Variants in LMNB2 observed in about 807,000 individuals in gnomAD.
LMNB2 encodes the protein lamin-B2.
LMNB2 carries 17 observed loss-of-function variants against 69.3 expected under a neutral mutation model. The ratio of observed to expected loss-of-function variants is 0.25; its 90% CI spans 0.17 to 0.37. The LOEUF is 0.37. Among genes scored for constraint, LMNB2 ranks in the 10% least tolerant of loss-of-function variants. The probability of loss-of-function intolerance (pLI) is 1.00; values close to 1 mark genes in which losing one functional copy is unlikely to be tolerated. For synonymous variants in LMNB2, 397 were observed against 389.3 expected (o/e 1.02, Z -0.23); for missense variants, 789 against 883.6 (o/e 0.89, Z 1.36).
At chr19:2,454,763 C>T (rs1469638829) in intron 1 of LMNB2, among the ~76,000 whole-genome samples, 1 of 152,120 alleles carries the variant, frequency 6.6e-6, no homozygotes, top group Admixed American at 6.5e-5. Flanking sequence ...AGTGGGTGCT[C>T]CTGCCTGCCC....
chr19:2,434,105 C>A lies in LMNB2; in HGVS notation c.1203G>T (p.Arg401Ser), dbSNP rs756505301. 6.3e-7 allele frequency: 1 copy of A among 1,583,420 alleles called. No homozygotes were observed. Among genetic ancestry groups the A allele is most frequent in the Admixed American group, 1.8e-5 (1 of 55,866 alleles). The change falls in exon 8 of 12, where the codon AGG becomes AGT. Residue 401 changes from arginine (R) to serine (S), a missense_variant and splice_region_variant. Coordinates refer to ENST00000325327, the MANE Select transcript of LMNB2 (RefSeq NM_032737.4). ...AGGATGGGCTGGGGGACAGCTTCAG[C>A]CTGTGGGGAAGGCAAGGAAGGTGGG... ...YRKLLEGEEE[R>S]LKLSPSPSSR... is the part of the protein sequence containing the mutation.
Position 2,431,765 on chromosome 19 carries a change from C to G in LMNB2, c.1710+18G>C, listed in dbSNP as rs747149678. ...CCCAGGACTCCAGCCGAGCACCCCC[C>G]AAGCCACACACACCCACCTCGCCAT... On this transcript the variant is annotated intron_variant, in intron 10 of 11. Transcript: ENST00000325327. 1 of 1,613,386 alleles carries G rather than the reference C, an allele frequency of 6.2e-7. No homozygotes were observed. Among genetic ancestry groups the G allele is most frequent in the African/African-American group, 1.3e-5 (1 of 74,908 alleles).
At chr19:2,454,626 C>G (rs753681285) in intron 1 of LMNB2, among the ~76,000 whole-genome samples, 3 of 152,138 alleles carry the variant, frequency 2.0e-5, no homozygotes, top group Non-Finnish European at 2.9e-5. Context: ...AGAAGCCCAC[C>G]ACGTCCTCTG....
intron 1 of LMNB2, among the ~76,000 whole-genome samples, chr19:2,451,645 G>A (rs1161106981): frequency 6.6e-6 from 1 of 152,202 alleles, no homozygotes; most frequent in Non-Finnish European, 1.5e-5. Flanking sequence ...TCTAGCAAGT[G>A]CTAGGCTTGA....
chr19:2,444,921 G>A (rs991342441), intron 1 of LMNB2, among the ~76,000 whole-genome samples: 1 of 152,212 alleles, frequency 6.6e-6, no homozygotes, highest in African/African-American at 2.4e-5. Flanking sequence ...GATGGAGCCT[G>A]TCCCCTTCCC....
At chr19:2,454,655 G>A (rs1385368644) in intron 1 of LMNB2, among the ~76,000 whole-genome samples, 2 of 152,144 alleles carry the variant, frequency 1.3e-5, no homozygotes, top group African/African-American at 4.8e-5. Context: ...ATGGGCGAGT[G>A]GGGACTGGGC....
rs777442255 is a variant in LMNB2 at position 2,435,177 on chromosome 19, G to T, written c.685-6C>A. ...CGCCGCGTCTCCCGCACCTCCTGCG[G>T]ACCAAGGCTTCGTGACCCTCTGGTC... On this transcript the variant is annotated splice_region_variant and splice_polypyrimidine_tract_variant and intron_variant, in intron 4 of 11. Coordinates refer to ENST00000325327, the MANE Select transcript of LMNB2 (RefSeq NM_032737.4). 6.2e-7 allele frequency: 1 copy of T among 1,600,498 alleles called. No individual in the cohort carries two copies. Among genetic ancestry groups the T allele is most frequent in the Admixed American group, 1.7e-5 (1 of 59,960 alleles).
intron 8 of LMNB2, among the ~76,000 whole-genome samples, chr19:2,433,158 T>A (rs565816202): frequency 1.9e-5 from 2 of 105,022 alleles, no homozygotes; most frequent in Admixed American, 9.9e-5. Flanking sequence ...ATCAGCTGGG[T>A]CACCCCGTTA....
At position 2,434,458 on chromosome 19, in the gene LMNB2, C is replaced by T. The variant is rs1231291269; in HGVS notation, c.1039G>A (p.Asp347Asn). 2.5e-6 allele frequency: 4 copies of T among 1,613,262 alleles called. No individual in the cohort carries two copies. The highest frequency in any genetic ancestry group is 2.5e-6 in the Non-Finnish European group (3 of 1,179,978). Residue 347 changes from aspartate (D) to asparagine (N), a missense_variant, in exon 7 of 12, where the codon GAC becomes AAC. Asp to Asn is a conservative substitution (Grantham distance 23). Transcript: ENST00000325327. ...GCGTCCAGCATCTTCCGGAACTTGT[C>T]CCGCTCCCCGGCCATGGCCTCCTCC... ...ELEEAMAGER[D>N]KFRKMLDAKE... is the part of the protein sequence containing the mutation.
rs143458767 is a variant in LMNB2 at position 2,444,514 on chromosome 19, C to T, written c.291G>A (p.Glu97=). The T allele has an allele frequency of 1.3e-4, 203 of 1,611,958 alleles. 1 individual carries two copies. Among genetic ancestry groups the T allele is most frequent in the Non-Finnish European group, 1.3e-4 (149 of 1,180,026 alleles). ...REVSGIKALY[E]SELADARRVL... is the part of the protein sequence containing the mutation. Reference sequence around the variant, plus strand: ...CTCTCCGGGCATCGGCCAGCTCCGACTCGTACAGCGCCTTGATGCCACTCA... The same window carrying T: ...CTCTCCGGGCATCGGCCAGCTCCGATTCGTACAGCGCCTTGATGCCACTCA... Residue 97 remains glutamate, a synonymous_variant, in exon 2 of 12, where the codon GAG becomes GAA. Transcript: ENST00000325327.
chr19:2,433,779 T>G (rs1342207523), intron 8 of LMNB2, 47 bp downstream of exon 8: 17 of 1,484,790 alleles, frequency 1.1e-5, no homozygotes, highest in Non-Finnish European at 1.4e-5. Context: ...GTCACCCCCA[T>G]CAGCTGGGTC....
Position 2,448,297 on chromosome 19 carries a change from G to A in LMNB2, c.265-3757C>T, listed in dbSNP as rs184928029. Among the ~76,000 whole-genome samples the A allele has an allele frequency of 1.5e-3, 236 of 152,270 alleles. 1 individual carries two copies. The highest frequency in any genetic ancestry group is 5.6e-3 in the African/African-American group (231 of 41,560). ...GCTCCCAAATACCCCTAACCTCAAG[G>A]GAGGGGCTGACGGGACACCCTCAGG... On this transcript the variant is annotated intron_variant, in intron 1 of 11. Coordinates refer to ENST00000325327, the MANE Select transcript of LMNB2 (RefSeq NM_032737.4).
intron 8 of LMNB2, among the ~76,000 whole-genome samples, 170 bp from the exon 9 acceptor site, chr19:2,432,693 G>T (rs1033211370): frequency 1.3e-5 from 2 of 149,274 alleles, no homozygotes; most frequent in Non-Finnish European, 3.0e-5. Flanking sequence ...GCCTCGTCCT[G>T]ACCGGCGGCC....
Position 2,438,213 on chromosome 19 carries a change from A to G in LMNB2, c.634T>C (p.Cys212Arg), listed in dbSNP as rs1328312114. Reference protein sequence around the residue: ...TLMRVDLENRCQSLQEELDFR... With the variant: ...TLMRVDLENRRQSLQEELDFR... The stretch of plus-strand genomic sequence containing the variant: ...TCCAGCTCCTCCTGCAGGCTCTGGC[A>G]GCGGTTCTCCAGGTCCACACGCATC... The change falls in exon 4 of 12, where the codon TGC becomes CGC. Residue 212 changes from cysteine to arginine, a missense_variant. Physicochemically the swap from Cys to Arg is radical, Grantham distance 180 (BLOSUM62 -3). Around this residue, in one of 3 missense-constraint regions of LMNB2, gnomAD observed 609 missense variants for 630.9 expected, o/e 0.97. Transcript: ENST00000325327. The G allele has an allele frequency of 6.2e-7, 1 of 1,614,060 alleles. No homozygotes were observed. The highest frequency in any genetic ancestry group is 1.7e-5 in the Admixed American group (1 of 60,024).
At position 2,434,285 on chromosome 19, in the gene LMNB2, C is replaced by T; in HGVS notation, c.1202+10G>A. The T allele has an allele frequency of 6.2e-7, 1 of 1,612,190 alleles. No homozygotes were observed. The highest frequency in any genetic ancestry group is 8.5e-7 in the Non-Finnish European group (1 of 1,179,806). On this transcript the variant is annotated intron_variant, in intron 7 of 11. Coordinates refer to ENST00000325327, the MANE Select transcript of LMNB2 (RefSeq NM_032737.4). ...CACTCTGTGCTCCCAAGCCTCCTGG[C>T]CTGCCGCACCTCTCCTCCTCGCCCT...
At position 2,456,904 on chromosome 19, in the gene LMNB2, C is replaced by A. The variant is rs1972098174; in HGVS notation, c.30G>T (p.Arg10=). Residue 10 remains arginine (R), a synonymous_variant, in exon 1 of 12, where the codon CGG becomes CGT. Coordinates refer to ENST00000325327, the MANE Select transcript of LMNB2 (RefSeq NM_032737.4). Reference sequence around the variant, plus strand: ...CGGCGGCTCGCGGCCTGCGCTGCTCCCGACGGCGGCCCGGGCTCGGCGGGC... The same window carrying A: ...CGGCGGCTCGCGGCCTGCGCTGCTCACGACGGCGGCCCGGGCTCGGCGGGC... The part of the protein sequence containing the change: MSPPSPGRR[R]EQRRPRAAAT... 1 of 1,008,988 alleles carries A rather than the reference C, an allele frequency of 9.9e-7. No homozygotes were observed. The highest frequency in any genetic ancestry group is 1.2e-6 in the Non-Finnish European group (1 of 847,264). 62.5% of individuals were successfully genotyped at this position (1,008,988 alleles called of 1,614,324 possible). A position where few individuals can be genotyped will look rare whatever the true frequency, so the allele number is the denominator to read the frequency against.
chr19:2,432,478 C>T lies in LMNB2; in HGVS notation c.1528G>A (p.Gly510Arg). 1.9e-5 allele frequency: 30 copies of T among 1,613,944 alleles called. No individual in the cohort carries two copies. Among genetic ancestry groups the T allele is most frequent in the Non-Finnish European group, 2.4e-5 (28 of 1,179,960 alleles). ...NWRIKRQVLE[G>R]EEIAYKFTPK... is the part of the protein sequence containing the mutation. ...GTGAACTTGTAGGCGATCTCCTCCC[C>T]CTCCAAGACCTGCCTCTTGATTCTC... The change falls in exon 9 of 12, where the codon GGG becomes AGG. Residue 510 changes from glycine (G) to arginine (R), a missense_variant. Transcript: ENST00000325327.
At chr19:2,451,102 G>A (rs188493686) in intron 1 of LMNB2, among the ~76,000 whole-genome samples, 90 of 152,200 alleles carry the variant, frequency 5.9e-4, no homozygotes, top group African/African-American at 2.0e-3. Flanking sequence ...TTAGCTGGGC[G>A]TGGCAGTGCA....
At position 2,444,426 on chromosome 19, in the gene LMNB2, C is replaced by G; in HGVS notation, c.379G>C (p.Glu127Gln). 6.2e-7 allele frequency: 1 copy of G among 1,613,850 alleles called. No individual in the cohort carries two copies. Among genetic ancestry groups the G allele is most frequent in the South Asian group, 1.1e-5 (1 of 91,088 alleles). ...CACCTCTTGTTGACCTCGTCCAACTCTGCCCTCAGCTTCCCAATCTCTATC... is the reference window on the plus strand; with the variant it reads ...CACCTCTTGTTGACCTCGTCCAACTGTGCCCTCAGCTTCCCAATCTCTATC... ...LQIEIGKLRAELDEVNKSAKK... is the reference protein window; with the variant it reads ...LQIEIGKLRAQLDEVNKSAKK... The change falls in exon 2 of 12, where the codon GAG becomes CAG. Residue 127 changes from glutamate to glutamine, a missense_variant. By Grantham distance (29) the Glu-to-Gln change is conservative. This residue lies in a region of LMNB2 where 145 missense variants were observed against 228.9 expected (regional missense o/e 0.63). Transcript: ENST00000325327.
Sources: gnomAD v4.1 joint callset for allele counts (sites outside exome capture counted in the v4.1 genomes callset) on GRCh38, gnomAD v4.1.1 for gene constraint, gnomAD v4.1.1 regional missense constraint, MANE v1.5 for transcripts, NCBI Gene and HGNC (gene_info 2026-07-23, HGNC 2026-07-21) for gene names.